The following ZNF729 variants were observed in gnomAD, a reference collection of about 807,000 sequenced individuals.
ZNF729 encodes the protein zinc finger protein 729.
ZNF729 carries 15 observed loss-of-function variants against 12.2 expected under a neutral mutation model. The observed-to-expected ratio is 1.23, with a 90% CI of 0.82 to 1.89. ZNF729 has a LOEUF of 1.89. ZNF729 is among the 40% of genes most tolerant of loss of function. The pLI, the probability that ZNF729 is intolerant of heterozygous loss-of-function variation, is 0.00. For missense variants in ZNF729, 1,540 were observed against 1,456.7 expected, an observed-to-expected ratio of 1.06 and a Z score of -0.93; for synonymous variants, 492 against 476.3, an observed-to-expected ratio of 1.03 and a Z score of -0.43.
In ZNF729 at chr19:22,314,007, G is replaced by T; in HGVS notation, c.590G>T (p.Arg197Leu). Residue 197 changes from arginine to leucine, a missense_variant, in exon 4 of 4, where the codon CGA becomes CTA. Transcript: ENST00000601693. ...TTTTTCATGCTTTCATGCTTAATTC[G>T]ACATAAGAGAATTCATATTAGACAG... is the stretch of plus-strand genomic sequence containing the variant. Reference protein sequence around the residue: ...KSFFMLSCLIRHKRIHIRQNI... With the variant: ...KSFFMLSCLILHKRIHIRQNI... 6.5e-7 allele frequency: 1 copy of T among 1,539,468 alleles called. No individual in the cohort carries two copies. Among genetic ancestry groups the T allele is most frequent in the Non-Finnish European group, 8.7e-7 (1 of 1,145,920 alleles).
At chr19:22,313,423 C>T (rs960666115) in intron 3 of ZNF729, among the ~76,000 whole-genome samples, 10 of 152,216 alleles carry the variant, frequency 6.6e-5, no homozygotes, top group African/African-American at 2.2e-4. Context: ...CTGTAACCGA[C>T]TTCCCTTTCC....
rs577135284 is a variant in ZNF729, at chr19:22,315,020, C to G, written c.1603C>G (p.Gln535Glu). ...CCAGTCCTCAACCCTTAGAAACCAT[C>G]AGATAATTCATACTGGAGAGAAACC... ...FSQSSTLRNH[Q>E]IIHTGEKPYK... Residue 535 changes from glutamine to glutamate, a missense_variant, in exon 4 of 4, where the codon CAG becomes GAG. Gln to Glu is a conservative substitution (Grantham distance 29). Transcript: ENST00000601693. The G allele has an allele frequency of 2.4e-4, 379 of 1,599,878 alleles. No homozygotes were observed. The highest frequency in any genetic ancestry group is 3.1e-4 in the Non-Finnish European group (362 of 1,175,498).
intron 1 of ZNF729, among the ~76,000 whole-genome samples, chr19:22,302,347 C>T (rs886659491): frequency 6.6e-6 from 1 of 152,310 alleles, no homozygotes; most frequent in Admixed American, 6.5e-5. Flanking sequence ...AATTAAACGT[C>T]ATCATATCAT....
intron 1 of ZNF729, among the ~76,000 whole-genome samples, chr19:22,294,085 G>GT (rs148561373): frequency 0.022 from 3,353 of 152,060 alleles, 110 homozygotes; most frequent in African/African-American, 0.077. Context: ...ATCTTGAAGG[G>GT]TTTTTTATAA....
At chr19:22,313,328 A>G (rs1486533510) in intron 3 of ZNF729, among the ~76,000 whole-genome samples, 1 of 152,218 alleles carries the variant, frequency 6.6e-6, no homozygotes, top group Non-Finnish European at 1.5e-5. Flanking sequence ...CTGGGATTAC[A>G]GGCATGAACT....
At chr19:22,310,501 AT>A (rs1968438229) in intron 3 of ZNF729, among the ~76,000 whole-genome samples, 1 of 152,160 alleles carries the variant, frequency 6.6e-6, no homozygotes, top group Non-Finnish European at 1.5e-5. Flanking sequence ...GGTGTATCAC[AT>A]TTATTGACTT....
chr19:22,311,191 A>T (rs1968446160), intron 3 of ZNF729, among the ~76,000 whole-genome samples: 1 of 151,158 alleles, frequency 6.6e-6, no homozygotes, highest in African/African-American at 2.4e-5. Flanking sequence ...TTTCAATTTC[A>T]TTTCATTCTG....
chr19:22,314,444 A>T lies in ZNF729; in HGVS notation c.1027A>T (p.Thr343Ser). 6 of 1,589,156 alleles carry T rather than the reference A, an allele frequency of 3.8e-6. No individual in the cohort carries two copies. Among genetic ancestry groups the T allele is most frequent in the Admixed American group, 1.8e-5 (1 of 56,660 alleles). Residue 343 changes from threonine (T) to serine (S), a missense_variant, in exon 4 of 4, where the codon ACT (threonine) becomes TCT (serine). Physicochemically the swap from Thr to Ser is moderately conservative, Grantham distance 58. Coordinates refer to ENST00000601693, the MANE Select transcript of ZNF729 (RefSeq NM_001242680.2). Reference protein sequence around the residue: ...SALRKHKIIHTGKKPYKREEC... With the variant: ...SALRKHKIIHSGKKPYKREEC... ...CCTTAGAAAACATAAGATAATTCAT[A>T]CTGGAAAGAAACCCTACAAGCGTGA...
At chr19:22,300,617 G>A (rs966517394) in intron 1 of ZNF729, among the ~76,000 whole-genome samples, 35 of 152,104 alleles carry the variant, frequency 2.3e-4, no homozygotes, top group African/African-American at 8.2e-4. Flanking sequence ...CTGCCAATTT[G>A]GTATCTTTAA....
intron 1 of ZNF729, among the ~76,000 whole-genome samples, chr19:22,292,303 T>G (rs1212112388): frequency 1.3e-5 from 2 of 152,298 alleles, no homozygotes; most frequent in South Asian, 4.1e-4. Context: ...GGTTTTCTCT[T>G]TCTGCATTAG....
In ZNF729 at chr19:22,316,286, A is replaced by G; in HGVS notation, c.2869A>G (p.Ile957Val). 2 of 1,613,722 alleles carry G rather than the reference A, an allele frequency of 1.2e-6. No homozygotes were observed. The highest frequency in any genetic ancestry group is 1.3e-5 in the African/African-American group (1 of 75,042). The change falls in exon 4 of 4, where the codon ATT becomes GTT. Residue 957 changes from isoleucine to valine, a missense_variant. Ile to Val is a conservative substitution (Grantham distance 29, BLOSUM62 3). Coordinates refer to ENST00000601693, the MANE Select transcript of ZNF729 (RefSeq NM_001242680.2). ...DSSTLMKHKIIHTGKKPYKCA... is the reference protein window; with the variant it reads ...DSSTLMKHKIVHTGKKPYKCA... Reference sequence around the variant, plus strand: ...CTCAACCCTTATGAAGCATAAGATAATTCATACTGGGAAGAAACCATACAA... The same window carrying G: ...CTCAACCCTTATGAAGCATAAGATAGTTCATACTGGGAAGAAACCATACAA...
intron 1 of ZNF729, among the ~76,000 whole-genome samples, chr19:22,289,051 C>T (rs1366254764): frequency 1.3e-5 from 2 of 152,000 alleles, no homozygotes; most frequent in African/African-American, 4.8e-5. Flanking sequence ...AAACATGAGT[C>T]AGACACATCT....
chr19:22,308,871 T>C (rs1015785488), intron 3 of ZNF729, among the ~76,000 whole-genome samples: 3 of 152,174 alleles, frequency 2.0e-5, no homozygotes, highest in African/African-American at 7.2e-5. Flanking sequence ...TTAGTTTCAT[T>C]AAGTTCCCGT....
intron 3 of ZNF729, among the ~76,000 whole-genome samples, chr19:22,307,353 G>C (rs1968391859): frequency 7.2e-6 from 1 of 139,642 alleles, no homozygotes. Context: ...AGCTGTGCTA[G>C]TGGTGATGAA....
chr19:22,289,350 T>C (rs1968123319), intron 1 of ZNF729, among the ~76,000 whole-genome samples: 1 of 151,452 alleles, frequency 6.6e-6, no homozygotes, highest in Non-Finnish European at 1.5e-5. Context: ...CTCAGCCTCC[T>C]GACTAGCTGG....
rs1409523382 is a variant in ZNF729, at chr19:22,315,125, A to G, written c.1708A>G (p.Lys570Glu). 1 of 1,611,134 alleles carries G rather than the reference A, an allele frequency of 6.2e-7. No homozygotes were observed. Among genetic ancestry groups the G allele is most frequent in the Non-Finnish European group, 8.5e-7 (1 of 1,179,628 alleles). ...ACATAAGGTAATTCATACTGGAGAG[A>G]AACCCTGCAAATGTGAAGAATGTGG... ...TVHKVIHTGE[K>E]PCKCEECGKA... Residue 570 changes from lysine to glutamate, a missense_variant, in exon 4 of 4, where the codon AAA becomes GAA. Lys to Glu is a moderately conservative substitution (Grantham distance 56). Coordinates refer to ENST00000601693, the MANE Select transcript of ZNF729 (RefSeq NM_001242680.2).
intron 1 of ZNF729, among the ~76,000 whole-genome samples, chr19:22,293,414 G>A (rs1968181281): frequency 6.6e-6 from 1 of 151,304 alleles, no homozygotes; most frequent in Non-Finnish European, 1.5e-5. Flanking sequence ...TCAAACTCCT[G>A]ACCTCAAGTG....
rs533363244 is a variant in ZNF729, at chr19:22,308,555, A to G, written c.253+3772A>G. Among the ~76,000 whole-genome samples the G allele has an allele frequency of 7.3e-5, 11 of 151,590 alleles. No individual in the cohort carries two copies. The South Asian group carries it at 2.3e-3, about 32-fold the overall frequency. On this transcript the variant is annotated intron_variant, in intron 3 of 3. Coordinates refer to ENST00000601693, the MANE Select transcript of ZNF729 (RefSeq NM_001242680.2). ...CTACTGTTTTTTTGATTTTTTTTTT[A>G]TTATGGCCATTTTTGCAGGAGTAAG...
In ZNF729 at chr19:22,296,188, T is replaced by C. The variant is rs150755137; in HGVS notation, c.31-7570T>C. Among the ~76,000 whole-genome samples, 34 of 152,328 alleles carry C rather than the reference T, an allele frequency of 2.2e-4. No homozygotes were observed. In the East Asian group the frequency reaches 6.2e-3, roughly 28 times the overall value. ...CCTTCTTCTCAATTTTGGAATAGTTTTAGTAGAATGGTTCAGGCCCTTCGT... is the reference window on the plus strand; with the variant it reads ...CCTTCTTCTCAATTTTGGAATAGTTCTAGTAGAATGGTTCAGGCCCTTCGT... On this transcript the variant is annotated intron_variant, in intron 1 of 3. Transcript: ENST00000601693.
Sources: gnomAD v4.1 joint callset for allele counts (sites outside exome capture counted in the v4.1 genomes callset) on GRCh38, gnomAD v4.1.1 for gene constraint, MANE v1.5 for transcripts, NCBI Gene and HGNC (gene_info 2026-07-23, HGNC 2026-07-21) for gene names.